LRP1B: variants seen among roughly 807,000 people sequenced by gnomAD.
The protein encoded by LRP1B is LDL receptor related protein 1B, also known as low-density lipoprotein receptor-related protein 1B.
In LRP1B, 217 loss-of-function variants were observed where a neutral mutation model predicts 556.6. The observed-to-expected ratio is 0.39, with a 90% CI of 0.35 to 0.44. The LOEUF (loss-of-function observed/expected upper bound fraction) is 0.44. Ranked by LOEUF, LRP1B falls within the 20% of genes least tolerant of loss-of-function variation. The pLI, the probability that LRP1B is intolerant of heterozygous loss-of-function variation, is 1.00. For missense variants in LRP1B, 5,053 were observed against 5,620.8 expected (o/e 0.90, Z 3.23); for synonymous variants, 2,047 against 1,865.8 (o/e 1.10, Z -2.50).
intron 82 of LRP1B, among the ~76,000 whole-genome samples, chr2:140,318,173 GA>G (rs554762233): frequency 2.6e-5 from 4 of 151,652 alleles, no homozygotes; most frequent in African/African-American, 9.7e-5. Context: ...GTTAATGTCA[GA>G]AAAAAAATAA....
intron 1 of LRP1B, among the ~76,000 whole-genome samples, chr2:142,098,753 T>C (rs543500442): frequency 6.6e-6 from 1 of 151,836 alleles, no homozygotes; most frequent in Non-Finnish European, 1.5e-5. Context: ...GTAAATTCAA[T>C]CTTAAACTTA....
intron 2 of LRP1B, among the ~76,000 whole-genome samples, chr2:141,587,701 A>G (rs1207250877): frequency 6.6e-6 from 1 of 152,214 alleles, no homozygotes; most frequent in Non-Finnish European, 1.5e-5. Flanking sequence ...ATTTAAAAAC[A>G]TAATTACCTT....
chr2:141,204,756 G>T (rs994538488), intron 6 of LRP1B, among the ~76,000 whole-genome samples: 1 of 152,038 alleles, frequency 6.6e-6, no homozygotes, highest in African/African-American at 2.4e-5. Flanking sequence ...GGCCAAGATG[G>T]TGAAACCCCG....
At chr2:141,993,915 G>GT (rs59433844) in intron 1 of LRP1B, among the ~76,000 whole-genome samples, 1 of 151,920 alleles carries the variant, frequency 6.6e-6, no homozygotes, top group Non-Finnish European at 1.5e-5. Flanking sequence ...TAAGGTTTAT[G>GT]TTTTTTTTCT....
chr2:141,699,283 G>T (rs541384223), intron 2 of LRP1B, among the ~76,000 whole-genome samples: 3 of 151,798 alleles, frequency 2.0e-5, no homozygotes, highest in Non-Finnish European at 4.4e-5. Context: ...TGATTATAAT[G>T]CACATCAGGG....
At chr2:140,308,521 T>C (rs1178886021) in intron 83 of LRP1B, among the ~76,000 whole-genome samples, 1 of 151,868 alleles carries the variant, frequency 6.6e-6, no homozygotes. Flanking sequence ...TTCATACTCA[T>C]TTGTCTATGT....
chr2:140,673,950 T>C (rs1485138527), intron 41 of LRP1B, among the ~76,000 whole-genome samples: 6 of 150,750 alleles, frequency 4.0e-5, no homozygotes, highest in Middle Eastern at 3.4e-3. Context: ...TTTTCTTTTT[T>C]TTTTTTTTCT....
intron 1 of LRP1B, among the ~76,000 whole-genome samples, chr2:141,901,107 C>T (rs1355332840): frequency 6.6e-6 from 1 of 152,050 alleles, no homozygotes; most frequent in Non-Finnish European, 1.5e-5. Flanking sequence ...ATCCAGTCCA[C>T]AAATATTCAC....
chr2:141,757,557 ATAAC>A (rs772721996), intron 2 of LRP1B, among the ~76,000 whole-genome samples: 1 of 151,236 alleles, frequency 6.6e-6, no homozygotes, highest in Non-Finnish European at 1.5e-5. Context: ...TAATCAAACT[ATAAC>A]TAATTTTTTT....
At chr2:142,124,747 G>A (rs866403191) in intron 1 of LRP1B, among the ~76,000 whole-genome samples, 4 of 151,844 alleles carry the variant, frequency 2.6e-5, no homozygotes, top group Admixed American at 6.6e-5. Flanking sequence ...CATTTGCCTA[G>A]TATGAGAGAC....
chr2:141,571,484 A>T (rs1283988247), intron 2 of LRP1B, among the ~76,000 whole-genome samples: 1 of 149,962 alleles, frequency 6.7e-6, no homozygotes, highest in Non-Finnish European at 1.5e-5. Flanking sequence ...AAAATCAAAG[A>T]AAAAATGCTG....
chr2:140,501,613 T>C (rs1481934470), intron 55 of LRP1B, 74 bp downstream of exon 55: 1 of 1,104,300 alleles, frequency 9.1e-7, no homozygotes, highest in Non-Finnish European at 1.2e-6. Flanking sequence ...TTTTCATCTA[T>C]ATTGGATTAA....
At chr2:141,073,004 T>C (rs1699688005) in intron 7 of LRP1B, among the ~76,000 whole-genome samples, 1 of 152,092 alleles carries the variant, frequency 6.6e-6, no homozygotes, top group Non-Finnish European at 1.5e-5. Flanking sequence ...CATCTTCAAC[T>C]TCTCCTTTTC....
intron 25 of LRP1B, among the ~76,000 whole-genome samples, chr2:140,877,505 GA>G (rs1483395548): frequency 1.3e-5 from 2 of 152,106 alleles, no homozygotes; most frequent in Admixed American, 6.6e-5. Context: ...AAATGTGAAA[GA>G]AAAATAAATA....
chr2:140,919,818 T>C (rs1012666894), intron 21 of LRP1B, among the ~76,000 whole-genome samples: 10 of 152,144 alleles, frequency 6.6e-5, no homozygotes, highest in African/African-American at 1.4e-4. Context: ...GAGTGTAAAC[T>C]TGAAGTCTCA....
At chr2:141,052,189 G>A (rs1182774196) in intron 10 of LRP1B, among the ~76,000 whole-genome samples, 3 of 151,832 alleles carry the variant, frequency 2.0e-5, no homozygotes, top group African/African-American at 7.3e-5. Context: ...TGTCTTCATT[G>A]CCCTCATAGC....
At chr2:140,634,076 C>A (rs894046144) in intron 41 of LRP1B, among the ~76,000 whole-genome samples, 2 of 152,088 alleles carry the variant, frequency 1.3e-5, no homozygotes, top group Non-Finnish European at 2.9e-5. Context: ...TCAAATGTAG[C>A]AGTGCATGAA....
At chr2:140,989,381 C>T (rs1697020718) in intron 17 of LRP1B, 151 bp downstream of exon 17, 2 of 781,716 alleles carry the variant, frequency 2.6e-6, no homozygotes, top group Non-Finnish European at 4.1e-6. Flanking sequence ...GTATTCTAGC[C>T]TTTGTGGCAT....
At chr2:141,199,233 C>A (rs893700184) in intron 6 of LRP1B, among the ~76,000 whole-genome samples, 2 of 152,176 alleles carry the variant, frequency 1.3e-5, no homozygotes, top group African/African-American at 4.8e-5. Flanking sequence ...TCTTTACCAA[C>A]ATCTCAGCTT....
Sources: gnomAD v4.1 joint callset for allele counts (sites outside exome capture counted in the v4.1 genomes callset) on GRCh38, gnomAD v4.1.1 for gene constraint, MANE v1.5 for transcripts, NCBI Gene and HGNC (gene_info 2026-07-23, HGNC 2026-07-21) for gene names.